STXBP5L: variants seen among roughly 807,000 people sequenced by gnomAD.
The protein encoded by STXBP5L is syntaxin-binding protein 5-like.
STXBP5L carries 65 observed loss-of-function variants against 144.5 expected under a neutral mutation model. That is an observed-to-expected ratio of 0.45 (90% CI 0.37 to 0.55). The LOEUF is 0.55. STXBP5L is among the 20% of genes least tolerant of loss of function. The probability of loss-of-function intolerance (pLI) is 0.00; values close to 1 mark genes in which losing one functional copy is unlikely to be tolerated. For synonymous variants in STXBP5L, 505 were observed against 469.6 expected (o/e 1.08, Z -0.97); for missense variants, 1,298 against 1,405.5 (o/e 0.92, Z 1.22).
At chr3:121,045,065 T>G (rs532500671) in intron 4 of STXBP5L, among the ~76,000 whole-genome samples, 1 of 152,286 alleles carries the variant, frequency 6.6e-6, no homozygotes, top group South Asian at 2.1e-4. Flanking sequence ...TTGAATATTT[T>G]CTTCTCTGTA....
chr3:121,375,777 A>T (rs1481728814), intron 20 of STXBP5L, among the ~76,000 whole-genome samples: 4 of 152,176 alleles, frequency 2.6e-5, no homozygotes, highest in African/African-American at 9.6e-5. Context: ...CAGTAAGGCT[A>T]TATTGTAGTG....
chr3:120,952,332 G>A (rs1711310757), intron 2 of STXBP5L, among the ~76,000 whole-genome samples: 2 of 151,914 alleles, frequency 1.3e-5, no homozygotes, highest in African/African-American at 4.8e-5. Context: ...CTTTTATTTA[G>A]ATCTTCAAGT....
chr3:120,987,834 TC>T (rs1320709617), intron 3 of STXBP5L, among the ~76,000 whole-genome samples: 10 of 151,876 alleles, frequency 6.6e-5, no homozygotes, highest in Admixed American at 2.0e-4. Flanking sequence ...TAGGAAGTAT[TC>T]CTTTTATTTG....
chr3:121,353,915 A>G (rs2045402043), intron 20 of STXBP5L, among the ~76,000 whole-genome samples: 1 of 152,088 alleles, frequency 6.6e-6, no homozygotes, highest in South Asian at 2.1e-4. Context: ...GAACATCTTT[A>G]TTTCTGCCTT....
intron 20 of STXBP5L, among the ~76,000 whole-genome samples, chr3:121,361,399 A>AC (rs2045708098): frequency 1.3e-5 from 2 of 151,448 alleles, no homozygotes; most frequent in African/African-American, 4.9e-5. Context: ...CTCCTTCCCT[A>AC]CCCCCCCTTT....
In STXBP5L at chr3:121,231,728, T is replaced by A. The variant is rs141189839; in HGVS notation, c.1112-1888T>A. On this transcript the variant is annotated intron_variant, in intron 11 of 26. Coordinates refer to ENST00000471454, the MANE Select transcript of STXBP5L (RefSeq NM_001308330.2). ...ACCCAATGGGTTGGGTATCCTCTAG[T>A]CTCCTAGGAGTACCTAAAAGGGCTG... 4.5e-3 allele frequency among the ~76,000 whole-genome samples: 692 copies of A among 152,220 alleles called. 4 individuals carry two copies. Among genetic ancestry groups the A allele is most frequent in the African/African-American group, 0.016 (659 of 41,542 alleles).
chr3:121,375,709 C>T (rs907296877), intron 20 of STXBP5L, among the ~76,000 whole-genome samples: 2 of 152,146 alleles, frequency 1.3e-5, no homozygotes, highest in African/African-American at 4.8e-5. Flanking sequence ...TTCATCTTTG[C>T]ACTATCTGCA....
chr3:120,995,771 C>T (rs533370671), intron 3 of STXBP5L, among the ~76,000 whole-genome samples: 5 of 152,054 alleles, frequency 3.3e-5, no homozygotes, highest in Non-Finnish European at 5.9e-5. Context: ...GTGGATTCAA[C>T]AATCAAATAT....
chr3:120,977,821 T>C (rs528109304), intron 3 of STXBP5L, among the ~76,000 whole-genome samples: 2 of 152,198 alleles, frequency 1.3e-5, no homozygotes, highest in African/African-American at 4.8e-5. Flanking sequence ...TTTGGCTGGA[T>C]ATGAAATTCT....
At chr3:121,267,991 C>A (rs1012271069) in intron 18 of STXBP5L, among the ~76,000 whole-genome samples, 28 of 152,142 alleles carry the variant, frequency 1.8e-4, no homozygotes, top group Non-Finnish European at 1.3e-4. Context: ...TTGGGGAAGA[C>A]AGTTGTGGCG....
chr3:121,249,533 T>G (rs779499719), intron 14 of STXBP5L, among the ~76,000 whole-genome samples: 2 of 152,184 alleles, frequency 1.3e-5, no homozygotes, highest in African/African-American at 4.8e-5. Context: ...GATTTTTGTA[T>G]ATTGATATTG....
intron 7 of STXBP5L, among the ~76,000 whole-genome samples, chr3:121,135,710 G>A (rs1218499830): frequency 6.6e-6 from 1 of 152,166 alleles, no homozygotes. Context: ...CTCTTCACTT[G>A]CTTACCTGCC....
At position 121,279,798 on chromosome 3, in the gene STXBP5L, CT is replaced by C; in HGVS notation, c.1959-6del. The C allele has an allele frequency of 6.2e-7, 1 of 1,609,140 alleles. No individual in the cohort carries two copies. Among genetic ancestry groups the C allele is most frequent in the Non-Finnish European group, 8.5e-7 (1 of 1,177,566 alleles). Reference sequence around the variant, plus strand: ...TACATTCTAGTTGTATTTTTTTTCTCTCTTAGAGTTGCATTTGGGAACTGCA... The same window carrying C: ...TACATTCTAGTTGTATTTTTTTTCTCCTTAGAGTTGCATTTGGGAACTGCA... On this transcript the variant is annotated splice_polypyrimidine_tract_variant and splice_region_variant and intron_variant, in intron 18 of 26. Transcript: ENST00000471454.
At chr3:120,998,209 C>T (rs539028000) in intron 3 of STXBP5L, among the ~76,000 whole-genome samples, 1 of 152,116 alleles carries the variant, frequency 6.6e-6, no homozygotes, top group Non-Finnish European at 1.5e-5. Flanking sequence ...TCCAATTCAA[C>T]ATAGTACTGG....
At chr3:121,091,632 T>A (rs572985739) in intron 5 of STXBP5L, among the ~76,000 whole-genome samples, 1 of 152,214 alleles carries the variant, frequency 6.6e-6, no homozygotes, top group Non-Finnish European at 1.5e-5. Flanking sequence ...GGTTGTTTTT[T>A]TCTTGTAAAT....
At chr3:121,304,405 A>T (rs2108498893) in intron 19 of STXBP5L, among the ~76,000 whole-genome samples, 2 of 152,264 alleles carry the variant, frequency 1.3e-5, no homozygotes, top group South Asian at 2.1e-4. Context: ...CACCTACACA[A>T]TGCAATTGAA....
chr3:121,218,922 G>C (rs173087), intron 10 of STXBP5L, among the ~76,000 whole-genome samples: 119,639 of 151,972 alleles, frequency 0.79, 47,306 homozygotes, highest in East Asian at 0.93. Flanking sequence ...CTGTAATGTC[G>C]TCAGTTTGAT....
At chr3:121,257,904 G>A (rs1216101730) in intron 17 of STXBP5L, among the ~76,000 whole-genome samples, 1 of 152,092 alleles carries the variant, frequency 6.6e-6, no homozygotes, top group Non-Finnish European at 1.5e-5. Flanking sequence ...CAGCCTGGGT[G>A]ACAGTAAGAC....
chr3:121,328,486 C>G (rs900987236), intron 20 of STXBP5L, among the ~76,000 whole-genome samples: 1 of 152,118 alleles, frequency 6.6e-6, no homozygotes. Flanking sequence ...TGGTGGCTCA[C>G]GCTTGTAAAC....
Sources: gnomAD v4.1 joint callset for allele counts (sites outside exome capture counted in the v4.1 genomes callset) on GRCh38, gnomAD v4.1.1 for gene constraint, MANE v1.5 for transcripts, NCBI Gene and HGNC (gene_info 2026-07-23, HGNC 2026-07-21) for gene names.